The following DDIAS variants were observed in gnomAD, a reference collection of about 807,000 sequenced individuals.
DDIAS encodes DNA damage-induced apoptosis suppressor protein.
In DDIAS, 14 loss-of-function variants were observed where a neutral mutation model predicts 15.7. The ratio of observed to expected loss-of-function variants is 0.89; its 90% confidence interval spans 0.59 to 1.39. The LOEUF (loss-of-function observed/expected upper bound fraction) is 1.39. Among genes scored for constraint, DDIAS ranks in the 40% most tolerant of loss-of-function variants. The probability of loss-of-function intolerance (pLI) is 0.00; values close to 1 mark genes in which losing one functional copy is unlikely to be tolerated. For synonymous variants in DDIAS, 355 were observed against 395.9 expected (o/e 0.90, Z 1.23); for missense variants, 1,035 against 1,130.9 (o/e 0.92, Z 1.22).
Position 82,933,049 on chromosome 11 carries a change from A to G in DDIAS, c.1711A>G (p.Ser571Gly), listed in dbSNP as rs1312152947. 2 of 1,604,766 alleles carry G rather than the reference A, an allele frequency of 1.2e-6. No homozygotes were observed. The highest frequency in any genetic ancestry group is 1.7e-5 in the Admixed American group (1 of 59,742). ...ACCACACAGGGAGAGTGACCATTCT[A>G]GTCTAAATAACAAATATTTGAATGG... ...ISPHRESDHS[S>G]LNNKYLNGCG... Residue 571 changes from serine to glycine, a missense_variant, in exon 6 of 6, where the codon AGT becomes GGT. Physicochemically the swap from Ser to Gly is moderately conservative, Grantham distance 56 (BLOSUM62 0). Transcript: ENST00000533655.
At chr11:82,906,944 T>C (rs145594175) in intron 1 of DDIAS, among the ~76,000 whole-genome samples, 105 of 152,326 alleles carry the variant, frequency 6.9e-4, no homozygotes, top group African/African-American at 2.4e-3. Flanking sequence ...TGACAATTTC[T>C]GAGCTTGGCA....
At chr11:82,922,953 A>C (rs527945889) in intron 3 of DDIAS, among the ~76,000 whole-genome samples, 108 of 152,024 alleles carry the variant, frequency 7.1e-4, no homozygotes, top group Middle Eastern at 3.4e-3. Flanking sequence ...AGTGATTGTT[A>C]TCTCTCTTCT....
intron 5 of DDIAS, among the ~76,000 whole-genome samples, chr11:82,930,987 TC>T (rs933334915): frequency 6.6e-5 from 10 of 152,066 alleles, no homozygotes; most frequent in Non-Finnish European, 1.2e-4. Context: ...CTCCCCTTTT[TC>T]CCCTCCCCTC....
chr11:82,926,490 CAA>C (rs1860865539), intron 3 of DDIAS, among the ~76,000 whole-genome samples: 1 of 152,222 alleles, frequency 6.6e-6, no homozygotes. Flanking sequence ...AGTGTGAAAC[CAA>C]AAAGTTTGAA....
chr11:82,928,985 G>C (rs372314144), intron 4 of DDIAS, 47 bp downstream of exon 4: 1 of 1,565,286 alleles, frequency 6.4e-7, no homozygotes, highest in East Asian at 2.3e-5. Flanking sequence ...CTTAGAATTT[G>C]AAGATACAAG....
intron 3 of DDIAS, among the ~76,000 whole-genome samples, chr11:82,920,964 G>A (rs899007622): frequency 1.3e-5 from 2 of 152,170 alleles, no homozygotes; most frequent in African/African-American, 2.4e-5. Context: ...GTCTAGTGCT[G>A]TCAGTGTAGT....
chr11:82,910,255 T>TA (rs1860501453), intron 1 of DDIAS, among the ~76,000 whole-genome samples: 1 of 151,376 alleles, frequency 6.6e-6, no homozygotes, highest in South Asian at 2.1e-4. Flanking sequence ...CTAATCCATT[T>TA]AAAAAATTAG....
At chr11:82,923,905 C>G (rs571254690) in intron 3 of DDIAS, among the ~76,000 whole-genome samples, 2 of 152,306 alleles carry the variant, frequency 1.3e-5, no homozygotes, top group South Asian at 4.1e-4. Flanking sequence ...GTACTCTCCC[C>G]AGATTATAAG....
intron 2 of DDIAS, among the ~76,000 whole-genome samples, chr11:82,914,360 T>C (rs2121328699): frequency 6.6e-6 from 1 of 152,356 alleles, no homozygotes; most frequent in Non-Finnish European, 1.5e-5. Context: ...GACTTTCAGA[T>C]TCAAGATGCT....
chr11:82,904,923 A>G (rs1180158478), intron 1 of DDIAS, among the ~76,000 whole-genome samples: 1 of 152,228 alleles, frequency 6.6e-6, no homozygotes, highest in African/African-American at 2.4e-5. Context: ...TTAGTATAAT[A>G]TGAGGTTATA....
At position 82,931,831 on chromosome 11, in the gene DDIAS, A is replaced by C. The variant is rs1312674201; in HGVS notation, c.493A>C (p.Ile165Leu). Residue 165 changes from isoleucine to leucine, a missense_variant, in exon 6 of 6, where the codon ATT becomes CTT. Transcript: ENST00000533655. ...AGCCAAAGCACTAGTGGCTTGCCAG[A>C]TTGTTCTACCAGACCCAGGTATTGC... is the stretch of plus-strand genomic sequence containing the variant. ...RKAKALVACQ[I>L]VLPDPGIAGF... 1.9e-6 allele frequency: 3 copies of C among 1,614,114 alleles called. No individual in the cohort carries two copies. In the African/African-American group the frequency reaches 4.0e-5, roughly 22 times the overall value.
chr11:82,913,714 T>C (rs1330396281), intron 2 of DDIAS: 3 of 447,976 alleles, frequency 6.7e-6, no homozygotes, highest in Non-Finnish European at 1.3e-5. Context: ...AAAAGAACAA[T>C]TTCCACCAAT....
At chr11:82,926,876 G>A (rs1185520713) in intron 3 of DDIAS, among the ~76,000 whole-genome samples, 2 of 152,068 alleles carry the variant, frequency 1.3e-5, no homozygotes, top group African/African-American at 4.8e-5. Context: ...AATATATATA[G>A]TTTAATATGT....
At chr11:82,910,768 A>G (rs1314721205) in intron 1 of DDIAS, among the ~76,000 whole-genome samples, 1 of 151,834 alleles carries the variant, frequency 6.6e-6, no homozygotes, top group African/African-American at 2.4e-5. Context: ...AGCTCATACT[A>G]CCACGCCTGA....
chr11:82,929,374 T>A (rs1293123391), intron 4 of DDIAS, among the ~76,000 whole-genome samples: 1 of 152,208 alleles, frequency 6.6e-6, no homozygotes, highest in Non-Finnish European at 1.5e-5. Context: ...TTTGACCTTT[T>A]ACGACATTGT....
chr11:82,903,549 C>T (rs1860368472), intron 1 of DDIAS, among the ~76,000 whole-genome samples: 1 of 152,184 alleles, frequency 6.6e-6, no homozygotes, highest in African/African-American at 2.4e-5. Context: ...CAGTATTTCT[C>T]CTTTCACTGA....
Position 82,914,912 on chromosome 11 carries a change from T to C in DDIAS, c.113+61T>C, listed in dbSNP as rs373687907. On this transcript the variant is annotated intron_variant, in intron 3 of 5. Transcript: ENST00000533655. ...ACAAATGCACACTGTAGATTTCCTA[T>C]GGCTCAAGGGCAAGGACCAGATTTA... 1.6e-5 allele frequency: 18 copies of C among 1,157,210 alleles called. No individual in the cohort carries two copies. The East Asian group carries it at 2.5e-4, about 16-fold the overall frequency. 71.7% of individuals were successfully genotyped at this position (1,157,210 alleles called of 1,614,324 possible).
chr11:82,932,376 GC>G lies in DDIAS; in HGVS notation c.1042del (p.Glu349SerfsTer30). 1 of 1,614,000 alleles carries G rather than the reference GC, an allele frequency of 6.2e-7. No individual in the cohort carries two copies. The stretch of plus-strand genomic sequence containing the variant: ...ATTTATTCTCTTTGGAAATGCGAGA[GC>G]CCCTTGAGTCAAGTAATACAAAATC... ...SNLFSLEMRE[P>X]LESSNTKSFH... On this transcript the variant is annotated frameshift_variant, in exon 6 of 6. Transcript: ENST00000533655. LOFTEE classifies it low-confidence loss of function (END_TRUNC).
chr11:82,903,189 G>A (rs981832128), intron 1 of DDIAS, among the ~76,000 whole-genome samples: 2 of 152,230 alleles, frequency 1.3e-5, no homozygotes, highest in African/African-American at 4.8e-5. Flanking sequence ...CTGGAAAGAT[G>A]GGCAGAGACC....
Sources: allele counts gnomAD v4.1 joint callset (sites outside exome capture counted in the v4.1 genomes callset), GRCh38; gene constraint gnomAD v4.1.1; transcripts MANE v1.5; gene names NCBI Gene and HGNC (gene_info 2026-07-23, HGNC 2026-07-21).